The following ZRANB3 variants were observed in gnomAD, a reference collection of about 807,000 sequenced individuals.
ZRANB3 encodes DNA annealing helicase and endonuclease ZRANB3.
ZRANB3 carries 125 observed loss-of-function variants against 133.8 expected under a neutral mutation model. The ratio of observed to expected loss-of-function variants is 0.93; its 90% CI spans 0.81 to 1.08. The LOEUF is 1.08. ZRANB3 is among the 50% of genes least tolerant of loss of function. The probability of loss-of-function intolerance (pLI) is 0.00; values close to 1 mark genes in which losing one functional copy is unlikely to be tolerated. For missense variants in ZRANB3, 1,229 were observed against 1,275.5 expected (o/e 0.96, Z 0.56); for synonymous variants, 387 against 432.7 (o/e 0.89, Z 1.31).
At chr2:135,294,575 GT>G (rs964326436) in intron 8 of ZRANB3, among the ~76,000 whole-genome samples, 26 of 152,044 alleles carry the variant, frequency 1.7e-4, no homozygotes, top group African/African-American at 6.3e-4. Context: ...TTTTTGAAGG[GT>G]TTTTTGTGTC....
intron 3 of ZRANB3, among the ~76,000 whole-genome samples, chr2:135,355,874 G>T (rs1450847154): frequency 1.3e-5 from 2 of 152,088 alleles, no homozygotes; most frequent in Admixed American, 1.3e-4. Flanking sequence ...CTGGAAATAG[G>T]ATCTGTTTTG....
chr2:135,525,036 G>A (rs1407843138), intron 1 of ZRANB3, among the ~76,000 whole-genome samples: 1 of 151,994 alleles, frequency 6.6e-6, no homozygotes, highest in Admixed American at 6.6e-5. Flanking sequence ...GATAGATTTG[G>A]ACACTAAAAT....
chr2:135,344,727 C>A (rs1296974352), intron 6 of ZRANB3, among the ~76,000 whole-genome samples: 1 of 151,932 alleles, frequency 6.6e-6, no homozygotes, highest in African/African-American at 2.4e-5. Flanking sequence ...GGTAACGGAG[C>A]GAGACTCCGT....
At chr2:135,489,399 G>A in intron 2 of ZRANB3, among the ~76,000 whole-genome samples, 1 of 151,278 alleles carries the variant, frequency 6.6e-6, no homozygotes, top group South Asian at 2.1e-4. Flanking sequence ...CATGGCACAT[G>A]TATACATATG....
At chr2:135,328,711 T>G (rs957481212) in intron 6 of ZRANB3, among the ~76,000 whole-genome samples, 3 of 152,258 alleles carry the variant, frequency 2.0e-5, no homozygotes, top group African/African-American at 7.2e-5. Context: ...TCTCCACGTC[T>G]TCTCCAGCAT....
intron 2 of ZRANB3, among the ~76,000 whole-genome samples, chr2:135,418,969 G>A (rs1401687271): frequency 2.9e-5 from 3 of 103,080 alleles, no homozygotes; most frequent in African/African-American, 8.7e-5. Context: ...ACGGAGTCTC[G>A]TTCTGTCACC....
At chr2:135,340,867 T>C (rs373148665) in intron 6 of ZRANB3, among the ~76,000 whole-genome samples, 2 of 149,964 alleles carry the variant, frequency 1.3e-5, no homozygotes. Context: ...AAAAAAACAG[T>C]AAAATCTTTA....
Position 135,223,349 on chromosome 2 carries a change from A to G in ZRANB3, c.2250+1077T>C, listed in dbSNP as rs567461635. ...AAAAACATTTTTTTTTTTTTGAGAC[A>G]GAGTCTCATTTTGTCACCCAGGCTG... is the stretch of plus-strand genomic sequence containing the variant. On this transcript the variant is annotated intron_variant, in intron 15 of 20. Transcript: ENST00000264159. 2.5e-3 allele frequency among the ~76,000 whole-genome samples: 375 copies of G among 150,658 alleles called. 3 individuals are homozygous for G. Among genetic ancestry groups the G allele is most frequent in the Middle Eastern group, 6.8e-3 (2 of 294 alleles).
At chr2:135,387,155 A>T (rs993677090) in intron 3 of ZRANB3, among the ~76,000 whole-genome samples, 4 of 148,730 alleles carry the variant, frequency 2.7e-5, no homozygotes, top group Admixed American at 6.7e-5. Flanking sequence ...AAGAGTTTAT[A>T]AAAAAAAAAG....
intron 2 of ZRANB3, among the ~76,000 whole-genome samples, chr2:135,466,115 G>A (rs982834012): frequency 6.6e-6 from 1 of 152,160 alleles, no homozygotes; most frequent in African/African-American, 2.4e-5. Flanking sequence ...AGGCGTGGTG[G>A]CTCACGCCTA....
intron 1 of ZRANB3, among the ~76,000 whole-genome samples, chr2:135,504,878 C>A (rs533023275): frequency 2.0e-5 from 3 of 152,034 alleles, no homozygotes; most frequent in African/African-American, 7.2e-5. Context: ...ATAATTCATC[C>A]TTTTATGGAT....
At chr2:135,443,827 T>C (rs1689902510) in intron 2 of ZRANB3, among the ~76,000 whole-genome samples, 2 of 152,172 alleles carry the variant, frequency 1.3e-5, no homozygotes, top group South Asian at 2.1e-4. Context: ...ATATCCTGTA[T>C]TGGATTAACA....
intron 12 of ZRANB3, among the ~76,000 whole-genome samples, chr2:135,258,590 C>T (rs1336635998): frequency 6.6e-6 from 1 of 152,198 alleles, no homozygotes; most frequent in Non-Finnish European, 1.5e-5. Context: ...TGACAAGAAC[C>T]CGGGTTTTCC....
chr2:135,449,170 G>C lies in ZRANB3; in HGVS notation c.161+55159C>G, dbSNP rs148648000. 2.1e-3 allele frequency among the ~76,000 whole-genome samples: 319 copies of C among 152,280 alleles called. 4 individuals are homozygous for C. The Middle Eastern group carries it at 0.027, about 13-fold the overall frequency. On this transcript the variant is annotated intron_variant, in intron 2 of 20. Coordinates refer to ENST00000264159, the MANE Select transcript of ZRANB3 (RefSeq NM_032143.4). ...CAAATGAGGGTGTCCATAGCACCAG[G>C]TGAGATTCCAGCAAAGAACCTAAAT...
intron 8 of ZRANB3, among the ~76,000 whole-genome samples, chr2:135,290,979 T>G (rs886411102): frequency 6.6e-6 from 1 of 152,110 alleles, no homozygotes; most frequent in Non-Finnish European, 1.5e-5. Flanking sequence ...CTTGGCTCAC[T>G]GCAACCTCTG....
chr2:135,233,490 G>T (rs182799516), intron 12 of ZRANB3, among the ~76,000 whole-genome samples: 1 of 152,262 alleles, frequency 6.6e-6, no homozygotes, highest in Non-Finnish European at 1.5e-5. Flanking sequence ...ACATACAATC[G>T]TCAGATTCAC....
At chr2:135,265,711 T>G in intron 11 of ZRANB3, 25 bp from the exon 12 acceptor site, 1 of 1,602,674 alleles carries the variant, frequency 6.2e-7, no homozygotes, top group South Asian at 1.1e-5. Context: ...AGTAAATGAA[T>G]TTTTGAGCAG....
intron 2 of ZRANB3, among the ~76,000 whole-genome samples, chr2:135,476,071 C>T (rs1286756722): frequency 6.6e-6 from 1 of 152,100 alleles, no homozygotes; most frequent in Admixed American, 6.6e-5. Flanking sequence ...GAACAAGACT[C>T]CATCTCAAAA....
intron 2 of ZRANB3, among the ~76,000 whole-genome samples, chr2:135,407,828 T>A (rs1688111620): frequency 7.6e-6 from 1 of 131,136 alleles, no homozygotes; most frequent in African/African-American, 4.0e-5. Flanking sequence ...TAATTCAAGA[T>A]GGATTAAAGA....
Sources: allele counts gnomAD v4.1 joint callset (sites outside exome capture counted in the v4.1 genomes callset), GRCh38; gene constraint gnomAD v4.1.1; transcripts MANE v1.5; gene names NCBI Gene and HGNC (gene_info 2026-07-23, HGNC 2026-07-21).